ANKRD11: variants seen among roughly 807,000 people sequenced by gnomAD.
ANKRD11 encodes ankyrin repeat domain 11.
A neutral mutation model predicts 195.7 loss-of-function variants in ANKRD11; 17 were observed. The observed-to-expected ratio is 0.09, with a 90% CI of 0.06 to 0.13. The LOEUF is 0.13. ANKRD11 is among the 10% of genes least tolerant of loss of function. The pLI, the probability that ANKRD11 is intolerant of heterozygous loss-of-function variation, is 1.00. For missense variants in ANKRD11, 3,735 were observed against 3,566.1 expected (o/e 1.05, Z -1.21); for synonymous variants, 1,953 against 1,528.1 (o/e 1.28, Z -6.49).
Position 89,283,028 on chromosome 16 carries a change from G to A in ANKRD11, c.3514C>T (p.His1172Tyr). ...TCCTTGTCCTTCTGCCTCTCAGGGTGCTGCTTGTCAGAAGACTTCCTGTGT... is the reference window on the plus strand; with the variant it reads ...TCCTTGTCCTTCTGCCTCTCAGGGTACTGCTTGTCAGAAGACTTCCTGTGT... ...DRHRKSSDKQ[H>Y]PERQKDKEPR... Residue 1172 changes from histidine (H) to tyrosine (Y), a missense_variant, in exon 9 of 13, where the codon CAC becomes TAC. Physicochemically the swap from His to Tyr is moderately conservative, Grantham distance 83. Coordinates refer to ENST00000301030, the MANE Select transcript of ANKRD11 (RefSeq NM_013275.6). The surrounding 1 kb of genome is among the most constrained non-coding windows in gnomAD (Gnocchi z 4.3). 4.3e-6 allele frequency: 7 copies of A among 1,613,734 alleles called. No individual in the cohort carries two copies. Among genetic ancestry groups the A allele is most frequent in the Non-Finnish European group, 5.9e-6 (7 of 1,180,020 alleles).
At chr16:89,336,833 A>G (rs1236899993) in intron 2 of ANKRD11, among the ~76,000 whole-genome samples, 1 of 152,158 alleles carries the variant, frequency 6.6e-6, no homozygotes, top group Non-Finnish European at 1.5e-5. Context: ...TTCCATTAGA[A>G]AACAACTGCA....
intron 9 of ANKRD11, 139 bp downstream of exon 9, chr16:89,278,931 CTG>C (rs2033910228): frequency 1.5e-6 from 2 of 1,343,794 alleles, no homozygotes; most frequent in Non-Finnish European, 1.0e-6. Flanking sequence ...AGAAGTGGGG[CTG>C]TGTCTCCTCA....
chr16:89,314,168 G>A (rs1033808772), intron 3 of ANKRD11, among the ~76,000 whole-genome samples: 3 of 147,098 alleles, frequency 2.0e-5, no homozygotes, highest in Middle Eastern at 3.2e-3. Context: ...GGGCAGGGTG[G>A]GGGGTTATGG....
At chr16:89,449,220 A>G (rs959450379) in intron 1 of ANKRD11, among the ~76,000 whole-genome samples, 8 of 151,348 alleles carry the variant, frequency 5.3e-5, no homozygotes, top group African/African-American at 1.9e-4. Flanking sequence ...ATTTGCAGGC[A>G]TGAGGAATGT....
chr16:89,335,586 C>T (rs546460234), intron 2 of ANKRD11, among the ~76,000 whole-genome samples: 19 of 152,332 alleles, frequency 1.2e-4, no homozygotes, highest in Middle Eastern at 3.4e-3. Context: ...CGAGTGACGT[C>T]GCTTTGGCAG....
At position 89,281,813 on chromosome 16, in the gene ANKRD11, C is replaced by T. The variant is rs1488507469; in HGVS notation, c.4729G>A (p.Asp1577Asn). ...RPREKLLGDG[D>N]LMMTSFERML... ...CTCTCGAAGCTGGTCATCATCAGGT[C>T]GCCGTCCCCCAGGAGCTTCTCCCTG... The change falls in exon 9 of 13, where the codon GAC becomes AAC. Residue 1577 changes from aspartate to asparagine, a missense_variant. Asp to Asn is a conservative substitution (Grantham distance 23, BLOSUM62 1). Transcript: ENST00000301030. This position sits in a 1 kb window ranked among gnomAD's most constrained non-coding sequence, Gnocchi z 5.5. 3.7e-6 allele frequency: 6 copies of T among 1,613,996 alleles called. No homozygotes were observed. Among genetic ancestry groups the T allele is most frequent in the African/African-American group, 1.3e-5 (1 of 75,034 alleles).
chr16:89,307,687 T>G (rs765802025), intron 3 of ANKRD11, among the ~76,000 whole-genome samples: 209 of 152,314 alleles, frequency 1.4e-3, no homozygotes, highest in Non-Finnish European at 2.7e-3. Flanking sequence ...TGGCTGCAGC[T>G]CCACTGAGCT....
chr16:89,434,990 A>T (rs776672476), intron 1 of ANKRD11, among the ~76,000 whole-genome samples: 12 of 152,194 alleles, frequency 7.9e-5, no homozygotes, highest in Non-Finnish European at 1.0e-4. Context: ...GCCCAAGACC[A>T]ACTGATACAC....
chr16:89,430,111 C>G (rs548813627), intron 1 of ANKRD11, among the ~76,000 whole-genome samples: 105 of 119,480 alleles, frequency 8.8e-4, no homozygotes, highest in Admixed American at 1.7e-3. Context: ...TCAACTCTCA[C>G]GCTCAGACGT....
chr16:89,422,766 A>G (rs1191779083), intron 1 of ANKRD11, among the ~76,000 whole-genome samples: 1 of 152,210 alleles, frequency 6.6e-6, no homozygotes, highest in Admixed American at 6.5e-5. Flanking sequence ...AAGATTGCTC[A>G]TGTTTTTATT....
rs752613308 is a variant in ANKRD11, at chr16:89,281,279, C to T, written c.5263G>A (p.Ala1755Thr). Residue 1755 changes from alanine to threonine, a missense_variant, in exon 9 of 13, where the codon GCC (alanine) becomes ACC (threonine). By Grantham distance (58) the Ala-to-Thr change is moderately conservative (BLOSUM62 0). Coordinates refer to ENST00000301030, the MANE Select transcript of ANKRD11 (RefSeq NM_013275.6). This position sits in a 1 kb window ranked among gnomAD's most constrained non-coding sequence, Gnocchi z 5.5. ...CTGTCGAAAAAGGAGGGGGAGCAGG[C>T]GCTGGTGGGAGCGGTGGGCACGGGC... ...STPVPTAPTS[A>T]CSPSFFDRFS... 5 of 1,614,082 alleles carry T rather than the reference C, an allele frequency of 3.1e-6. No individual in the cohort carries two copies. The African/African-American group carries it at 4.0e-5, about 13-fold the overall frequency.
intron 2 of ANKRD11, among the ~76,000 whole-genome samples, chr16:89,325,612 T>C (rs1434813954): frequency 6.6e-6 from 1 of 152,128 alleles, no homozygotes; most frequent in African/African-American, 2.4e-5. Context: ...GCGTGGAAAA[T>C]GGCTGCCTGG....
intron 3 of ANKRD11, among the ~76,000 whole-genome samples, chr16:89,313,789 T>C (rs888574968): frequency 6.6e-6 from 1 of 152,140 alleles, no homozygotes; most frequent in Non-Finnish European, 1.5e-5. Context: ...CAGGAGTGCG[T>C]CTTCCCAGGC....
chr16:89,325,017 G>A, intron 2 of ANKRD11: 1 of 158,242 alleles, frequency 6.3e-6, no homozygotes, highest in Admixed American at 6.3e-5. Context: ...CTCTCATCAG[G>A]GCCAACTCAC....
chr16:89,343,211 G>A (rs1451332760), intron 2 of ANKRD11, among the ~76,000 whole-genome samples: 2 of 152,068 alleles, frequency 1.3e-5, no homozygotes, highest in South Asian at 2.1e-4. Flanking sequence ...GGCTGGTCTC[G>A]AACTCCTGAC....
chr16:89,359,943 A>G (rs1363423230), intron 2 of ANKRD11, among the ~76,000 whole-genome samples: 2 of 152,044 alleles, frequency 1.3e-5, no homozygotes, highest in African/African-American at 2.4e-5. Context: ...GGTGTACTAC[A>G]TAAGTAAACA....
chr16:89,323,584 C>G (rs71374110), intron 2 of ANKRD11, among the ~76,000 whole-genome samples: 524 of 23,432 alleles, frequency 0.022, 21 homozygotes, highest in African/African-American at 0.047. Flanking sequence ...GGGCTAAGCC[C>G]AGGGCAGGGG....
intron 2 of ANKRD11, among the ~76,000 whole-genome samples, chr16:89,410,497 C>T (rs529712006): frequency 3.3e-5 from 5 of 152,124 alleles, no homozygotes; most frequent in Non-Finnish European, 7.4e-5. Context: ...CTGTCAGGAA[C>T]CACGCAGAGC....
intron 2 of ANKRD11, among the ~76,000 whole-genome samples, chr16:89,344,449 C>A (rs1219664922): frequency 6.6e-6 from 1 of 152,208 alleles, no homozygotes; most frequent in Non-Finnish European, 1.5e-5. Flanking sequence ...TGTCCACACA[C>A]TCCTAGAAAA....
Sources: allele counts gnomAD v4.1 joint callset (sites outside exome capture counted in the v4.1 genomes callset), GRCh38; gene constraint gnomAD v4.1.1; non-coding constraint Gnocchi (gnomAD v3.1); transcripts MANE v1.5; gene names NCBI Gene and HGNC (gene_info 2026-07-23, HGNC 2026-07-21).